The following ORC3 variants were observed in gnomAD, a reference collection of about 807,000 sequenced individuals.
ORC3 encodes the protein homolog of latheo, Drosophila.
In ORC3, 78 loss-of-function variants were observed where a neutral mutation model predicts 100.7. That is an observed-to-expected ratio of 0.77 (90% CI 0.65 to 0.94). The LOEUF (loss-of-function observed/expected upper bound fraction) is 0.94. Ranked by LOEUF, ORC3 falls within the 40% of genes least tolerant of loss-of-function variation. The pLI is 0.00. For synonymous variants in ORC3, 295 were observed against 289.3 expected (o/e 1.02, Z -0.20); for missense variants, 789 against 823.9 (o/e 0.96, Z 0.52).
At chr6:87,647,171 T>C (rs1189140651) in intron 13 of ORC3, among the ~76,000 whole-genome samples, 1 of 152,188 alleles carries the variant, frequency 6.6e-6, no homozygotes, top group African/African-American at 2.4e-5. Context: ...ATGTTACTCC[T>C]TTGCTCAAAA....
rs550517538 is a variant in ORC3 at position 87,653,319 on chromosome 6, C to G, written c.1516+70C>G. 2.8e-6 allele frequency: 4 copies of G among 1,450,352 alleles called. No homozygotes were observed. The East Asian group carries it at 9.1e-5, about 33-fold the overall frequency. The allele number at this position is 1,450,352 out of a possible 1,614,324, so 89.8% of individuals were successfully genotyped here. ...TTTAACTAAAATGGCATGGAAAACCCCACCTTCTGATGTGCTTAGAGATAA... is the reference window on the plus strand; with the variant it reads ...TTTAACTAAAATGGCATGGAAAACCGCACCTTCTGATGTGCTTAGAGATAA... On this transcript the variant is annotated intron_variant, in intron 14 of 19. Coordinates refer to ENST00000392844, the MANE Select transcript of ORC3 (RefSeq NM_012381.4).
In ORC3 at chr6:87,658,732, A is replaced by T. The variant is rs192817054; in HGVS notation, c.1691+714A>T. Reference sequence around the variant, plus strand: ...CAGACTAGCCATGCTGCTCTATTTTATCCTGAAGAAAGAACATTTAATTCT... The same window carrying T: ...CAGACTAGCCATGCTGCTCTATTTTTTCCTGAAGAAAGAACATTTAATTCT... On this transcript the variant is annotated intron_variant, in intron 16 of 19. Coordinates refer to ENST00000392844, the MANE Select transcript of ORC3 (RefSeq NM_012381.4). Among the ~76,000 whole-genome samples the T allele has an allele frequency of 2.5e-3, 382 of 152,314 alleles. 1 individual carries two copies. The highest frequency in any genetic ancestry group is 0.02 in the Middle Eastern group (6 of 294).
At chr6:87,625,990 G>A (rs1180172775) in intron 11 of ORC3, among the ~76,000 whole-genome samples, 1 of 152,136 alleles carries the variant, frequency 6.6e-6, no homozygotes, top group Non-Finnish European at 1.5e-5. Context: ...AAGATCAGAT[G>A]GTTGTAGATG....
chr6:87,663,096 G>A lies in ORC3; in HGVS notation c.1785G>A (p.Pro595=), dbSNP rs768910170. The A allele has an allele frequency of 4.3e-6, 7 of 1,612,522 alleles. No individual in the cohort carries two copies. In the South Asian group the frequency reaches 4.4e-5, roughly 10 times the overall value. Residue 595 remains proline (P), a synonymous_variant, in exon 17 of 20, where the codon CCG becomes CCA. Coordinates refer to ENST00000392844, the MANE Select transcript of ORC3 (RefSeq NM_012381.4). ...TTCGTGAGCATTTAAATGCTGCTCCGCGAATTGCCCTCCATACTGCACTCA... is the reference window on the plus strand; with the variant it reads ...TTCGTGAGCATTTAAATGCTGCTCCACGAATTGCCCTCCATACTGCACTCA... ...HALREHLNAA[P]RIALHTALNN...
chr6:87,592,951 G>C (rs1317733485), intron 1 of ORC3, among the ~76,000 whole-genome samples: 4 of 151,922 alleles, frequency 2.6e-5, no homozygotes, highest in Non-Finnish European at 1.5e-5. Flanking sequence ...AAATTAGCCA[G>C]GCATGGTGGT....
downstream of ORC3, among the ~76,000 whole-genome samples, chr6:87,669,656 A>G (rs184742054): frequency 2.5e-3 from 379 of 152,342 alleles, 1 homozygote; most frequent in African/African-American, 8.1e-3. Context: ...TCCATGATTT[A>G]CCTTCATAGC....
intron 6 of ORC3, among the ~76,000 whole-genome samples, chr6:87,608,238 AATC>A (rs1778489897): frequency 6.6e-6 from 1 of 152,204 alleles, no homozygotes; most frequent in Admixed American, 6.5e-5. Context: ...AATGAAGAAT[AATC>A]ATGTATTTTC....
At chr6:87,628,295 C>T (rs1780070890) in intron 11 of ORC3, among the ~76,000 whole-genome samples, 1 of 152,080 alleles carries the variant, frequency 6.6e-6, no homozygotes. Flanking sequence ...AAGTAAGAAA[C>T]CTGCACGTCC....
At chr6:87,596,480 G>A (rs1361650697) in intron 2 of ORC3, among the ~76,000 whole-genome samples, 1 of 151,402 alleles carries the variant, frequency 6.6e-6, no homozygotes, top group African/African-American at 2.4e-5. Flanking sequence ...AACAACACAG[G>A]TTGTGTTAAA....
At chr6:87,662,793 G>A (rs1033670326) in intron 16 of ORC3, among the ~76,000 whole-genome samples, 1 of 152,076 alleles carries the variant, frequency 6.6e-6, no homozygotes, top group South Asian at 2.1e-4. Context: ...CTGTATTAGA[G>A]CTGATATTTG....
chr6:87,644,590 A>G (rs775395177), intron 13 of ORC3, among the ~76,000 whole-genome samples: 70 of 152,024 alleles, frequency 4.6e-4, no homozygotes, highest in Non-Finnish European at 8.2e-4. Flanking sequence ...AGTCCCAGCT[A>G]CGAGGGAGGC....
At chr6:87,616,893 C>T (rs555305826) in intron 9 of ORC3, among the ~76,000 whole-genome samples, 5 of 152,142 alleles carry the variant, frequency 3.3e-5, no homozygotes, top group Middle Eastern at 3.4e-3. Context: ...CTTCGCCTCC[C>T]GGGTTCAAGC....
chr6:87,675,819 G>C, the ORC3 span: 5 of 1,559,844 alleles, frequency 3.2e-6, no homozygotes, highest in African/African-American at 5.5e-5. Flanking sequence ...TTAAAAGACA[G>C]TCTTATTTTC....
chr6:87,676,892 C>T, the ORC3 span, among the ~76,000 whole-genome samples: 2 of 150,966 alleles, frequency 1.3e-5, no homozygotes, highest in South Asian at 2.1e-4. Context: ...CTGGCTAACA[C>T]GGTGAAACCC....
chr6:87,613,655 A>T (rs1778945677), intron 8 of ORC3, among the ~76,000 whole-genome samples: 1 of 152,226 alleles, frequency 6.6e-6, no homozygotes, highest in African/African-American at 2.4e-5. Flanking sequence ...GCATTGGGTA[A>T]ATACAGCCAT....
chr6:87,600,910 G>A (rs983570866), intron 2 of ORC3, among the ~76,000 whole-genome samples: 1 of 152,184 alleles, frequency 6.6e-6, no homozygotes, highest in Non-Finnish European at 1.5e-5. Flanking sequence ...ATGATATAAA[G>A]TGTATTCCTT....
chr6:87,624,733 A>C (rs1432849760), intron 11 of ORC3, among the ~76,000 whole-genome samples: 1 of 152,112 alleles, frequency 6.6e-6, no homozygotes, highest in Non-Finnish European at 1.5e-5. Context: ...TAGGGTACAT[A>C]TGCGCAACGT....
intron 2 of ORC3, among the ~76,000 whole-genome samples, chr6:87,597,583 A>G (rs1255685506): frequency 6.6e-6 from 1 of 152,122 alleles, no homozygotes; most frequent in Non-Finnish European, 1.5e-5. Flanking sequence ...CTAGTTTTGA[A>G]TTGAAAAAAT....
rs954327739 is a variant in ORC3 at position 87,607,889 on chromosome 6, A to G, written c.579+65A>G. The G allele has an allele frequency of 2.9e-5, 33 of 1,129,134 alleles. 1 individual carries two copies. Among genetic ancestry groups the G allele is most frequent in the Non-Finnish European group, 3.8e-5 (29 of 763,058 alleles). The allele number at this position is 1,129,134 out of a possible 1,614,324, so 69.9% of individuals were successfully genotyped here. A position where few individuals can be genotyped will look rare whatever the true frequency, so the allele number is the denominator to read the frequency against. On this transcript the variant is annotated intron_variant, in intron 6 of 19. Coordinates refer to ENST00000392844, the MANE Select transcript of ORC3 (RefSeq NM_012381.4). ...TATGATTGATGTGGCTTGGAATAAT[A>G]TTAGACAGTACTGTTTTGATCTAAC...
Sources: gnomAD v4.1 joint callset for allele counts (sites outside exome capture counted in the v4.1 genomes callset) on GRCh38, gnomAD v4.1.1 for gene constraint, MANE v1.5 for transcripts, NCBI Gene and HGNC (gene_info 2026-07-23, HGNC 2026-07-21) for gene names.